GPC6: variants seen among roughly 807,000 people sequenced by gnomAD.
The protein encoded by GPC6 is glypican 6.
Under a neutral mutation model 55.2 loss-of-function variants are expected in GPC6, and 14 were observed. The ratio of observed to expected loss-of-function variants is 0.25; its 90% CI spans 0.17 to 0.40. GPC6 has a LOEUF of 0.40. Ranked by LOEUF, GPC6 falls within the 10% of genes least tolerant of loss-of-function variation. The probability of loss-of-function intolerance (pLI) is 1.00; values close to 1 mark genes in which losing one functional copy is unlikely to be tolerated. For synonymous variants in GPC6, 278 were observed against 259.6 expected, an observed-to-expected ratio of 1.07 and a Z score of -0.68; for missense variants, 641 against 708.5, an observed-to-expected ratio of 0.90 and a Z score of 1.08.
At chr13:94,175,131 ACAT>A (rs1467314185) in intron 4 of GPC6, among the ~76,000 whole-genome samples, 15 of 152,248 alleles carry the variant, frequency 9.9e-5, no homozygotes, top group East Asian at 9.6e-4. Flanking sequence ...CTTTCACTCA[ACAT>A]CATATCCATG....
chr13:93,543,458 T>C (rs1025300149), intron 1 of GPC6, among the ~76,000 whole-genome samples: 3 of 152,094 alleles, frequency 2.0e-5, no homozygotes, highest in African/African-American at 7.2e-5. Context: ...GCATCAATGT[T>C]CATCAAGGAT....
intron 6 of GPC6, among the ~76,000 whole-genome samples, chr13:94,365,474 T>G (rs1026556984): frequency 2.0e-5 from 3 of 152,198 alleles, no homozygotes; most frequent in Non-Finnish European, 4.4e-5. Context: ...AATGTAAAAG[T>G]AGCATTTATT....
At chr13:94,291,928 T>C (rs1875001226) in intron 5 of GPC6, among the ~76,000 whole-genome samples, 1 of 152,208 alleles carries the variant, frequency 6.6e-6, no homozygotes, top group Admixed American at 6.5e-5. Flanking sequence ...TAGGATATGA[T>C]TGGCAACTTC....
chr13:94,215,868 G>A (rs1340080585), intron 4 of GPC6, among the ~76,000 whole-genome samples: 3 of 152,020 alleles, frequency 2.0e-5, no homozygotes, highest in Middle Eastern at 3.4e-3. Context: ...AAAGAAAAGG[G>A]GTACATTTAA....
At chr13:93,537,154 C>T (rs7326344) in intron 1 of GPC6, among the ~76,000 whole-genome samples, 1,740 of 152,180 alleles carry the variant, frequency 0.011, 27 homozygotes, top group African/African-American at 0.039. Flanking sequence ...GAAAAATTTT[C>T]GTAAGTTTGC....
At chr13:93,533,422 A>G (rs1282758853) in intron 1 of GPC6, among the ~76,000 whole-genome samples, 3 of 152,142 alleles carry the variant, frequency 2.0e-5, no homozygotes, top group African/African-American at 4.8e-5. Flanking sequence ...AACAAACTGT[A>G]TGTTTATTTG....
chr13:93,612,022 G>A (rs1424902509), intron 2 of GPC6, among the ~76,000 whole-genome samples: 3 of 152,054 alleles, frequency 2.0e-5, no homozygotes. Context: ...TTTAACATAA[G>A]TAATATCCAA....
At chr13:93,890,716 A>ATTTTTT (rs35783811) in intron 3 of GPC6, among the ~76,000 whole-genome samples, 1 of 125,386 alleles carries the variant, frequency 8.0e-6, no homozygotes, top group Non-Finnish European at 1.6e-5. Context: ...ATTTTACTTA[A>ATTTTTT]TTTTTTTTTT....
chr13:93,764,743 A>G (rs1885059795), intron 2 of GPC6, among the ~76,000 whole-genome samples: 1 of 152,152 alleles, frequency 6.6e-6, no homozygotes, highest in Non-Finnish European at 1.5e-5. Context: ...GAAGGAGAAA[A>G]TATAGTCCTG....
intron 3 of GPC6, among the ~76,000 whole-genome samples, chr13:93,933,704 A>G (rs1378077293): frequency 6.6e-6 from 1 of 152,202 alleles, no homozygotes; most frequent in African/African-American, 2.4e-5. Context: ...CACTCAGCAA[A>G]TAGTAATTAA....
intron 2 of GPC6, among the ~76,000 whole-genome samples, chr13:93,617,877 A>G (rs1325859290): frequency 2.0e-5 from 3 of 152,122 alleles, no homozygotes; most frequent in African/African-American, 4.8e-5. Flanking sequence ...TTCAAAAGTC[A>G]GGTGTGTTAT....
chr13:93,438,582 T>G (rs916249899), intron 1 of GPC6, among the ~76,000 whole-genome samples: 3 of 152,164 alleles, frequency 2.0e-5, no homozygotes, highest in Non-Finnish European at 4.4e-5. Context: ...TCTGAAGATA[T>G]GAATGAATTC....
At chr13:94,152,775 G>C (rs541039783) in intron 4 of GPC6, among the ~76,000 whole-genome samples, 1 of 152,164 alleles carries the variant, frequency 6.6e-6, no homozygotes, top group African/African-American at 2.4e-5. Flanking sequence ...TTTACCCTTA[G>C]GGGAATTTAT....
intron 7 of GPC6, among the ~76,000 whole-genome samples, chr13:94,383,567 C>T (rs1880272648): frequency 6.6e-6 from 1 of 152,094 alleles, no homozygotes; most frequent in African/African-American, 2.4e-5. Context: ...CATGTCTCTA[C>T]AAAAATAAAT....
chr13:94,301,177 A>G (rs1875627560), intron 5 of GPC6, among the ~76,000 whole-genome samples: 1 of 152,210 alleles, frequency 6.6e-6, no homozygotes, highest in South Asian at 2.1e-4. Flanking sequence ...AATAGGTGGA[A>G]TCTATGATTT....
At chr13:93,586,587 T>C (rs1214843311) in intron 2 of GPC6, among the ~76,000 whole-genome samples, 1 of 152,130 alleles carries the variant, frequency 6.6e-6, no homozygotes, top group African/African-American at 2.4e-5. Flanking sequence ...CTGGACCCCT[T>C]CCTTACACCA....
intron 2 of GPC6, among the ~76,000 whole-genome samples, chr13:93,796,973 A>G (rs1297377577): frequency 6.6e-6 from 1 of 152,270 alleles, no homozygotes; most frequent in Non-Finnish European, 1.5e-5. Context: ...CAAAGGGATG[A>G]ATTGTGAATA....
chr13:94,398,252 A>G (rs954817705), intron 7 of GPC6, among the ~76,000 whole-genome samples: 2 of 151,926 alleles, frequency 1.3e-5, no homozygotes, highest in Non-Finnish European at 2.9e-5. Context: ...AAAAAAAAAA[A>G]ACTAGTCTGA....
intron 2 of GPC6, among the ~76,000 whole-genome samples, chr13:93,700,962 A>G (rs1029320164): frequency 2.6e-5 from 4 of 152,124 alleles, no homozygotes; most frequent in Admixed American, 2.6e-4. Flanking sequence ...TTAGGCTTTC[A>G]GTTAAAAGTT....
Sources: allele counts gnomAD v4.1 joint callset (sites outside exome capture counted in the v4.1 genomes callset), GRCh38; gene constraint gnomAD v4.1.1; transcripts MANE v1.5; gene names NCBI Gene and HGNC (gene_info 2026-07-23, HGNC 2026-07-21).